Variants in ZFYVE28 observed in about 807,000 individuals in gnomAD.
ZFYVE28 encodes zinc finger FYVE-type containing 28, also known as lateral signaling target protein 2 homolog.
Under a neutral mutation model 82.1 loss-of-function variants are expected in ZFYVE28, and 40 were observed. The ratio of observed to expected loss-of-function variants is 0.49; its 90% CI spans 0.38 to 0.63. ZFYVE28 has a LOEUF of 0.63. ZFYVE28 is among the 30% of genes least tolerant of loss of function. ZFYVE28 has a pLI of 0.00. For missense variants in ZFYVE28, 1,321 were observed against 1,242.1 expected, an observed-to-expected ratio of 1.06 and a Z score of -0.96; for synonymous variants, 612 against 546.1, an observed-to-expected ratio of 1.12 and a Z score of -1.68.
intron 1 of ZFYVE28, among the ~76,000 whole-genome samples, chr4:2,396,883 C>T (rs571735660): frequency 8.5e-5 from 13 of 152,190 alleles, no homozygotes; most frequent in African/African-American, 1.2e-4. Flanking sequence ...CCGACTGACA[C>T]GGAGTCACTG....
At position 2,305,059 on chromosome 4, in the gene ZFYVE28, G is replaced by C. The variant is rs1056902515; in HGVS notation, c.1281C>G (p.Gly427=). The change falls in exon 8 of 13, where the codon GGC becomes GGG. Residue 427 remains glycine, a synonymous_variant. Transcript: ENST00000290974. ...TCTCCTGGGGGTCGGCCCAGGTACT[G>C]CCTGCCCACCCAAATGGGCCAGCTG... is the stretch of plus-strand genomic sequence containing the variant. ...ESPAGPFGWA[G]STWADPQEKG... The C allele has an allele frequency of 2.5e-6, 4 of 1,611,424 alleles. No homozygotes were observed. In the Admixed American group the frequency reaches 5.0e-5, roughly 20 times the overall value.
intron 1 of ZFYVE28, among the ~76,000 whole-genome samples, chr4:2,356,004 G>A (rs1057067212): frequency 5.3e-5 from 8 of 152,224 alleles, no homozygotes; most frequent in African/African-American, 1.7e-4. Context: ...CATCTCCGTC[G>A]GGGCCGTTTC....
rs777954194 is a variant in ZFYVE28, at chr4:2,337,493, G to A, written c.525C>T (p.Tyr175=). The A allele has an allele frequency of 1.6e-5, 26 of 1,604,280 alleles. No homozygotes were observed. The highest frequency in any genetic ancestry group is 2.2e-5 in the East Asian group (1 of 44,528). Residue 175 remains tyrosine, a synonymous_variant, in exon 5 of 13, where the codon TAC becomes TAT. Transcript: ENST00000290974. The part of the protein sequence containing the change: ...DVLFAEFELS[Y]VSAMVPVKSP... ...ACTTCACAGGCACCATGGCCGAGAC[G>A]TAGCTGCAAACACATGGAGACCTGT...
At position 2,409,696 on chromosome 4, in the gene ZFYVE28, T is replaced by TG. The variant is rs1448332921; in HGVS notation, c.39+8588dup. ...TGAGTCCAGTACACCCACGGTGGGGTGGGGGGGCTGACCCCTGCGGGCAGC... is the reference window on the plus strand; with the variant it reads ...TGAGTCCAGTACACCCACGGTGGGGTGGGGGGGGCTGACCCCTGCGGGCAGC... On this transcript the variant is annotated intron_variant, in intron 1 of 12. Coordinates refer to ENST00000290974, the MANE Select transcript of ZFYVE28 (RefSeq NM_020972.3). This position sits in a 1 kb window ranked among gnomAD's most constrained non-coding sequence, Gnocchi z 4.4. Among the ~76,000 whole-genome samples the TG allele has an allele frequency of 9.2e-5, 14 of 152,008 alleles. No individual in the cohort carries two copies. The highest frequency in any genetic ancestry group is 1.9e-4 in the East Asian group (1 of 5,156).
At chr4:2,378,012 G>A (rs1022768723) in intron 1 of ZFYVE28, among the ~76,000 whole-genome samples, 17 of 152,174 alleles carry the variant, frequency 1.1e-4, no homozygotes, top group African/African-American at 2.9e-4. Context: ...GGAAGTATTC[G>A]TGTACCTAAA....
intron 1 of ZFYVE28, among the ~76,000 whole-genome samples, chr4:2,407,241 A>C (rs368148230): frequency 6.6e-6 from 1 of 152,052 alleles, no homozygotes; most frequent in African/African-American, 2.4e-5. Context: ...TCTTCGTCTA[A>C]AACTGTCTTC....
At chr4:2,395,941 C>A (rs1328826330) in intron 1 of ZFYVE28, among the ~76,000 whole-genome samples, 1 of 152,190 alleles carries the variant, frequency 6.6e-6, no homozygotes, top group African/African-American at 2.4e-5. Flanking sequence ...AGCAGCACCC[C>A]CCACACTACA....
At position 2,300,604 on chromosome 4, in the gene ZFYVE28, G is replaced by A. The variant is rs185734987; in HGVS notation, c.2051+3685C>T. ...GGCCATGTGCCAACCCACCTCCTGC[G>A]TGCATCCGTCCCCTGGCTGGTGGCT... On this transcript the variant is annotated intron_variant, in intron 8 of 12. Coordinates refer to ENST00000290974, the MANE Select transcript of ZFYVE28 (RefSeq NM_020972.3). This position sits in a 1 kb window ranked among gnomAD's most constrained non-coding sequence, Gnocchi z 4.6. Among the ~76,000 whole-genome samples the A allele has an allele frequency of 7.2e-5, 11 of 152,122 alleles. No individual in the cohort carries two copies. In the South Asian group the frequency reaches 1.2e-3, roughly 17 times the overall value.
chr4:2,354,211 C>G, intron 1 of ZFYVE28, 138 bp from the exon 2 acceptor site: 1 of 985,578 alleles, frequency 1.0e-6, no homozygotes, highest in South Asian at 2.4e-5. Flanking sequence ...CTTTTATCAG[C>G]TTTCCACACC....
chr4:2,337,635 A>G, intron 4 of ZFYVE28, 139 bp from the exon 5 acceptor site: 1 of 622,448 alleles, frequency 1.6e-6, no homozygotes. Flanking sequence ...TAATCCCAGC[A>G]CGTTGGGAGT....
At chr4:2,385,121 A>G (rs895519351) in intron 1 of ZFYVE28, among the ~76,000 whole-genome samples, 10 of 152,176 alleles carry the variant, frequency 6.6e-5, no homozygotes, top group Non-Finnish European at 1.0e-4. Context: ...AGGCCAAGTC[A>G]CTCAGGGACC....
intron 8 of ZFYVE28, among the ~76,000 whole-genome samples, chr4:2,279,545 C>T (rs907661575): frequency 7.2e-5 from 11 of 152,076 alleles, no homozygotes; most frequent in African/African-American, 1.2e-4. Flanking sequence ...TTTGGGAGGC[C>T]AAGGTGGGCG....
chr4:2,298,845 G>A (rs139452282), intron 8 of ZFYVE28, among the ~76,000 whole-genome samples: 123 of 152,306 alleles, frequency 8.1e-4, no homozygotes, highest in East Asian at 6.8e-3. Flanking sequence ...GATGCACAGA[G>A]GCCCTTGCGC....
intron 1 of ZFYVE28, among the ~76,000 whole-genome samples, chr4:2,359,598 C>G (rs867592789): frequency 2.0e-5 from 3 of 152,182 alleles, no homozygotes; most frequent in Non-Finnish European, 2.9e-5. Flanking sequence ...AAGGAGAGAC[C>G]CAGCCTCAGA....
At chr4:2,282,885 C>T (rs192417327) in intron 8 of ZFYVE28, among the ~76,000 whole-genome samples, 1 of 150,258 alleles carries the variant, frequency 6.7e-6, no homozygotes, top group Admixed American at 6.6e-5. Flanking sequence ...CAAGGCTAGC[C>T]TGCGTAACAT....
chr4:2,312,116 C>T (rs1190160472), intron 7 of ZFYVE28, among the ~76,000 whole-genome samples: 1 of 152,064 alleles, frequency 6.6e-6, no homozygotes, highest in Non-Finnish European at 1.5e-5. Flanking sequence ...AATTGCCTCA[C>T]TCAGGCTGGT....
intron 8 of ZFYVE28, among the ~76,000 whole-genome samples, chr4:2,301,914 G>A (rs1161687086): frequency 2.0e-5 from 3 of 152,196 alleles, no homozygotes; most frequent in Admixed American, 6.5e-5. Flanking sequence ...CTGTTCGCGC[G>A]AGGCTGTTCA....
At chr4:2,364,357 G>C in intron 1 of ZFYVE28, 7 of 808,654 alleles carry the variant, frequency 8.7e-6, no homozygotes, top group Non-Finnish European at 1.0e-5. Context: ...GGTGTTGTGG[G>C]GCCAGCCAGG....
chr4:2,351,692 C>T (rs192301087), intron 2 of ZFYVE28, among the ~76,000 whole-genome samples: 4 of 152,196 alleles, frequency 2.6e-5, no homozygotes, highest in South Asian at 2.1e-4. Flanking sequence ...CCAGCCTGGG[C>T]GAGAGAGTGA....
Sources: allele counts gnomAD v4.1 joint callset (sites outside exome capture counted in the v4.1 genomes callset), GRCh38; gene constraint gnomAD v4.1.1; non-coding constraint Gnocchi (gnomAD v3.1); transcripts MANE v1.5; gene names NCBI Gene and HGNC (gene_info 2026-07-23, HGNC 2026-07-21).